Variants in WDR19 observed in about 807,000 individuals in gnomAD.
WDR19 encodes the protein WD repeat-containing protein 19.
WDR19 carries 121 observed loss-of-function variants against 180.0 expected under a neutral mutation model. The ratio of observed to expected loss-of-function variants is 0.67; its 90% CI spans 0.58 to 0.78. WDR19 has a LOEUF of 0.78. Among genes scored for constraint, WDR19 ranks in the 30% least tolerant of loss-of-function variants. The pLI, the probability that WDR19 is intolerant of heterozygous loss-of-function variation, is 0.00. For missense variants in WDR19, 1,450 were observed against 1,640.7 expected (o/e 0.88, Z 2.01); for synonymous variants, 497 against 540.7 (o/e 0.92, Z 1.12).
chr4:39,262,403 C>T lies in WDR19; in HGVS notation c.3184-3660C>T, dbSNP rs572664572. 1.2e-3 allele frequency among the ~76,000 whole-genome samples: 180 copies of T among 152,200 alleles called. 1 individual carries two copies. The highest frequency in any genetic ancestry group is 1.9e-3 in the African/African-American group (80 of 41,532). ...GGGACTACAGACATGCCACCGCACCCGGCCAATTTTTTATTTTTGTAGAGA... is the reference window on the plus strand; with the variant it reads ...GGGACTACAGACATGCCACCGCACCTGGCCAATTTTTTATTTTTGTAGAGA... On this transcript the variant is annotated intron_variant, in intron 28 of 36. Coordinates refer to ENST00000399820, the MANE Select transcript of WDR19 (RefSeq NM_025132.4).
At position 39,245,416 on chromosome 4, in the gene WDR19, A is replaced by T. The variant is rs1732420605; in HGVS notation, c.2693A>T (p.His898Leu). The stretch of plus-strand genomic sequence containing the variant: ...CCCCACGTTTCTTCTCCTAAGATCC[A>T]TTTGCAGTATGCCAAAGCCAAGGAA... Reference protein sequence around the residue: ...LLPHVSSPKIHLQYAKAKEAD... With the variant: ...LLPHVSSPKILLQYAKAKEAD... The change falls in exon 24 of 37, where the codon CAT (histidine) becomes CTT (leucine). Residue 898 changes from histidine to leucine, a missense_variant. By Grantham distance (99) the His-to-Leu change is moderately conservative. Coordinates refer to ENST00000399820, the MANE Select transcript of WDR19 (RefSeq NM_025132.4). 4 of 1,613,710 alleles carry T rather than the reference A, an allele frequency of 2.5e-6. No individual in the cohort carries two copies. Among genetic ancestry groups the T allele is most frequent in the Non-Finnish European group, 3.4e-6 (4 of 1,179,828 alleles).
intron 28 of WDR19, 76 bp downstream of exon 28, chr4:39,257,630 G>T: frequency 1.5e-6 from 2 of 1,368,544 alleles, no homozygotes; most frequent in Non-Finnish European, 1.0e-6. Context: ...TTAAATATAT[G>T]CAGAAGTAGA....
intron 31 of WDR19, among the ~76,000 whole-genome samples, chr4:39,272,161 C>G (rs1347133084): frequency 6.6e-6 from 1 of 152,126 alleles, no homozygotes; most frequent in Non-Finnish European, 1.5e-5. Flanking sequence ...ATTCAATGTC[C>G]TGGAAGCACA....
chr4:39,269,330 G>T (rs948755839), intron 30 of WDR19, among the ~76,000 whole-genome samples: 4 of 152,130 alleles, frequency 2.6e-5, no homozygotes, highest in Non-Finnish European at 5.9e-5. Context: ...TGTGGGCCCA[G>T]AGCAATCCTG....
At chr4:39,272,946 C>A (rs1434172987) in intron 31 of WDR19, 34 bp from the exon 32 acceptor site, 2 of 1,528,774 alleles carry the variant, frequency 1.3e-6, no homozygotes, top group Non-Finnish European at 1.8e-6. Context: ...TAATCAATGA[C>A]TATAAGAAGA....
At chr4:39,224,598 C>T (rs1730044708) in intron 14 of WDR19, among the ~76,000 whole-genome samples, 1 of 152,068 alleles carries the variant, frequency 6.6e-6, no homozygotes, top group Admixed American at 6.5e-5. Context: ...CCAGGCTGGT[C>T]TCTTGGCCAG....
At chr4:39,232,317 T>G in intron 19 of WDR19, 45 bp downstream of exon 19, 1 of 1,473,140 alleles carries the variant, frequency 6.8e-7, no homozygotes, top group Non-Finnish European at 9.3e-7. Context: ...AGGTATCCAG[T>G]GGGGAAATGG....
In WDR19 at chr4:39,201,386, C is replaced by T. The variant is rs7666921; in HGVS notation, c.522+1793C>T. ...GAACCTAGTCATGTGGCCAAATCTA[C>T]CTGCTCCCAGGAAAGCTGCAATTTT... is the stretch of plus-strand genomic sequence containing the variant. On this transcript the variant is annotated intron_variant, in intron 6 of 36. Transcript: ENST00000399820. Among the ~76,000 whole-genome samples, 436 of 152,224 alleles carry T rather than the reference C, an allele frequency of 2.9e-3. 2 individuals carry two copies. Among genetic ancestry groups the T allele is most frequent in the African/African-American group, 9.9e-3 (413 of 41,526 alleles).
intron 9 of WDR19, among the ~76,000 whole-genome samples, chr4:39,210,256 C>G (rs905340364): frequency 3.3e-5 from 5 of 152,154 alleles, no homozygotes; most frequent in African/African-American, 1.2e-4. Context: ...CTCTCATAAA[C>G]TTGAGCATGA....
intron 15 of WDR19, among the ~76,000 whole-genome samples, chr4:39,226,456 A>G (rs773862369): frequency 2.0e-5 from 3 of 152,238 alleles, no homozygotes; most frequent in Non-Finnish European, 4.4e-5. Flanking sequence ...TAGCCACATA[A>G]TAAGCACTAA....
intron 15 of WDR19, among the ~76,000 whole-genome samples, chr4:39,227,108 T>C (rs942442149): frequency 2.6e-5 from 4 of 152,236 alleles, no homozygotes; most frequent in Non-Finnish European, 4.4e-5. Flanking sequence ...CTGTGTAGTT[T>C]ACACTTAAAC....
intron 20 of WDR19, among the ~76,000 whole-genome samples, chr4:39,239,907 C>T (rs1731740229): frequency 6.6e-6 from 1 of 152,148 alleles, no homozygotes; most frequent in Non-Finnish European, 1.5e-5. Flanking sequence ...CCAGTGGTGG[C>T]TCATGCCTGT....
At chr4:39,210,536 A>C (rs1307025128) in intron 9 of WDR19, among the ~76,000 whole-genome samples, 1 of 151,816 alleles carries the variant, frequency 6.6e-6, no homozygotes, top group South Asian at 2.1e-4. Context: ...ATAGCCAGGC[A>C]TGGCGGCATG....
In WDR19 at chr4:39,228,635, G is replaced by C. The variant is rs767757561; in HGVS notation, c.1927G>C (p.Asp643His). ...CCATGGCTTTCTCAGCAACTTAAAA[G>C]ATACGGGGCCTGACGAACTGAGACC... is the stretch of plus-strand genomic sequence containing the variant. ...STHGFLSNLK[D>H]TGPDELRPML... The change falls in exon 17 of 37, where the codon GAT (aspartate) becomes CAT (histidine). Residue 643 changes from aspartate (D) to histidine (H), a missense_variant. Coordinates refer to ENST00000399820, the MANE Select transcript of WDR19 (RefSeq NM_025132.4). 6.2e-7 allele frequency: 1 copy of C among 1,613,070 alleles called. No homozygotes were observed. The highest frequency in any genetic ancestry group is 1.7e-5 in the Admixed American group (1 of 59,930).
chr4:39,215,127 T>G (rs1038571509), intron 10 of WDR19, among the ~76,000 whole-genome samples: 5 of 152,172 alleles, frequency 3.3e-5, no homozygotes, highest in African/African-American at 1.2e-4. Flanking sequence ...CTCCTTATTT[T>G]AGTAATTATG....
In WDR19 at chr4:39,240,278, G is replaced by C. The variant is rs199904529; in HGVS notation, c.2365G>C (p.Gly789Arg). Residue 789 changes from glycine to arginine, a missense_variant and splice_region_variant, in exon 21 of 37, where the codon GGT becomes CGT. Coordinates refer to ENST00000399820, the MANE Select transcript of WDR19 (RefSeq NM_025132.4). ...KEYAIQLEFA[G>R]DYVNALAHYE... ...AATTCACTCTTATTTTTTTTTCAGG[G>C]GTGATTATGTAAATGCTTTGGCTCA... The C allele has an allele frequency of 7.3e-7, 1 of 1,376,702 alleles. No individual in the cohort carries two copies. Among genetic ancestry groups the C allele is most frequent in the East Asian group, 3.0e-5 (1 of 33,552 alleles). The allele number at this position is 1,376,702 out of a possible 1,614,324, so 85.3% of individuals were successfully genotyped here.
intron 34 of WDR19, 33 bp from the exon 35 acceptor site, chr4:39,278,098 G>A: frequency 6.6e-7 from 1 of 1,523,568 alleles, no homozygotes; most frequent in Non-Finnish European, 8.9e-7. Context: ...TTAAAATAAA[G>A]ATGAATTTAA....
chr4:39,269,219 G>A (rs985182254), intron 30 of WDR19, among the ~76,000 whole-genome samples: 6 of 152,190 alleles, frequency 3.9e-5, no homozygotes, highest in East Asian at 1.9e-4. Context: ...ACTTCCAGGC[G>A]TGAGTGGCGC....
rs1318900717 is a variant in WDR19, at chr4:39,278,119, T to A, written c.3841-12T>A. 3 of 1,591,000 alleles carry A rather than the reference T, an allele frequency of 1.9e-6. No individual in the cohort carries two copies. The highest frequency in any genetic ancestry group is 2.7e-5 in the African/African-American group (2 of 74,364). ...TAAAGATGAATTTAACTCTTAAACA[T>A]CCTGTTTCCAGGGTCGACACATGTT... is the stretch of plus-strand genomic sequence containing the variant. On this transcript the variant is annotated splice_polypyrimidine_tract_variant and intron_variant, in intron 34 of 36. Transcript: ENST00000399820.
Sources: gnomAD v4.1 joint callset for allele counts (sites outside exome capture counted in the v4.1 genomes callset) on GRCh38, gnomAD v4.1.1 for gene constraint, MANE v1.5 for transcripts, NCBI Gene and HGNC (gene_info 2026-07-23, HGNC 2026-07-21) for gene names.